The following GPC5 variants were observed in gnomAD, a reference collection of about 807,000 sequenced individuals.
GPC5 encodes the protein glypican-5.
In GPC5, 47 loss-of-function variants were observed where a neutral mutation model predicts 53.9. The observed-to-expected ratio is 0.87, with a 90% CI of 0.69 to 1.11. The LOEUF is 1.11. Among genes scored for constraint, GPC5 ranks in the 50% most tolerant of loss-of-function variants. The pLI is 0.00. For missense variants in GPC5, 748 were observed against 713.1 expected (o/e 1.05, Z -0.56); for synonymous variants, 286 against 263.3 (o/e 1.09, Z -0.84).
chr13:92,779,640 C>G lies in GPC5; in HGVS notation c.1562-86642C>G, dbSNP rs572744131. The stretch of plus-strand genomic sequence containing the variant: ...CCCAAAGTACTGGGATTGCAGACTT[C>G]AGTCACCATGTCTGGCCTCAACCTA... On this transcript the variant is annotated intron_variant, in intron 7 of 7. Transcript: ENST00000377067. 7.9e-5 allele frequency among the ~76,000 whole-genome samples: 12 copies of G among 152,220 alleles called. No individual in the cohort carries two copies. The South Asian group carries it at 8.3e-4, about 11-fold the overall frequency.
At chr13:92,566,650 G>A (rs1882872833) in intron 7 of GPC5, among the ~76,000 whole-genome samples, 1 of 152,000 alleles carries the variant, frequency 6.6e-6, no homozygotes, top group African/African-American at 2.4e-5. Context: ...TAGTGTTATG[G>A]TTTGGTCTTC....
At chr13:92,761,690 G>C (rs187266040) in intron 7 of GPC5, among the ~76,000 whole-genome samples, 528 of 152,144 alleles carry the variant, frequency 3.5e-3, no homozygotes, top group Non-Finnish European at 5.4e-3. Context: ...GTATTTTGAT[G>C]GTAGAATGTA....
At chr13:91,616,297 T>C (rs1405753859) in intron 2 of GPC5, among the ~76,000 whole-genome samples, 2 of 150,820 alleles carry the variant, frequency 1.3e-5, no homozygotes, top group Admixed American at 6.6e-5. Context: ...TTAAAGATCC[T>C]TTCTTCAAAC....
chr13:91,691,150 C>T lies in GPC5; in HGVS notation c.326-2037C>T, dbSNP rs537918884. Among the ~76,000 whole-genome samples, 5 of 152,284 alleles carry T rather than the reference C, an allele frequency of 3.3e-5. No homozygotes were observed. In the East Asian group the frequency reaches 9.7e-4, roughly 29 times the overall value. ...TGAAAACAGAGTGTAGTGGCTGAGA[C>T]TGCAGCTGTGGGGTCAGGTTATCAT... On this transcript the variant is annotated intron_variant, in intron 2 of 7. Coordinates refer to ENST00000377067, the MANE Select transcript of GPC5 (RefSeq NM_004466.6).
At chr13:92,455,432 A>G (rs7331228) in intron 7 of GPC5, among the ~76,000 whole-genome samples, 2,853 of 152,314 alleles carry the variant, frequency 0.019, 87 homozygotes, top group African/African-American at 0.066. Context: ...AATACCACTG[A>G]AATAGATAAT....
intron 7 of GPC5, among the ~76,000 whole-genome samples, chr13:92,490,644 G>C (rs1016959312): frequency 1.3e-5 from 2 of 152,014 alleles, no homozygotes; most frequent in Admixed American, 6.6e-5. Flanking sequence ...GTATATAAAA[G>C]ATATAAAAGT....
intron 7 of GPC5, among the ~76,000 whole-genome samples, chr13:92,555,357 A>G (rs1377869676): frequency 6.6e-6 from 1 of 151,604 alleles, no homozygotes; most frequent in Non-Finnish European, 1.5e-5. Flanking sequence ...TATACTTAAA[A>G]TAATATTTAA....
At chr13:92,197,255 T>C (rs1232061705) in intron 7 of GPC5, among the ~76,000 whole-genome samples, 5 of 152,178 alleles carry the variant, frequency 3.3e-5, no homozygotes, top group Admixed American at 1.3e-4. Context: ...TAAATTTTCT[T>C]ACAGACTTCA....
chr13:91,715,800 C>CTCTCTCTCTGTG (rs997034217), intron 3 of GPC5, among the ~76,000 whole-genome samples: 12 of 145,770 alleles, frequency 8.2e-5, no homozygotes, highest in African/African-American at 2.8e-4. Context: ...CTCTCTCTCT[C>CTCTCTCTCTGTG]TGTGTGTGTG....
intron 7 of GPC5, among the ~76,000 whole-genome samples, chr13:92,472,102 A>G (rs1306345977): frequency 6.6e-6 from 1 of 152,102 alleles, no homozygotes; most frequent in East Asian, 1.9e-4. Flanking sequence ...TACAGAAACC[A>G]TGGATTTGGG....
chr13:92,703,542 A>C (rs1887832834), intron 7 of GPC5, among the ~76,000 whole-genome samples: 1 of 149,980 alleles, frequency 6.7e-6, no homozygotes, highest in African/African-American at 2.4e-5. Context: ...TACCTGATAA[A>C]ATTTTTCAGT....
intron 7 of GPC5, among the ~76,000 whole-genome samples, chr13:92,592,098 G>T (rs759069891): frequency 7.9e-5 from 12 of 152,328 alleles, no homozygotes; most frequent in Non-Finnish European, 1.0e-4. Context: ...ATTTATGAAA[G>T]AATACACCAA....
chr13:92,567,700 G>A (rs1882904081), intron 7 of GPC5, among the ~76,000 whole-genome samples: 1 of 152,074 alleles, frequency 6.6e-6, no homozygotes, highest in Non-Finnish European at 1.5e-5. Context: ...AAGCTAAAAA[G>A]ACAAGAACAT....
At chr13:92,486,176 CA>C (rs780840463) in intron 7 of GPC5, among the ~76,000 whole-genome samples, 65 of 152,174 alleles carry the variant, frequency 4.3e-4, no homozygotes, top group South Asian at 1.5e-3. Flanking sequence ...TCAGTGTCAT[CA>C]AAACATTTAA....
rs12429947 is a variant in GPC5 at position 92,792,429 on chromosome 13, C to T, written c.1562-73853C>T. On this transcript the variant is annotated intron_variant, in intron 7 of 7. Transcript: ENST00000377067. ...AAGCACTAAACATGGAATGGAACAACTGGTACCATGCCAAATTGTAAAGAC... is the reference window on the plus strand; with the variant it reads ...AAGCACTAAACATGGAATGGAACAATTGGTACCATGCCAAATTGTAAAGAC... Among the ~76,000 whole-genome samples the T allele has an allele frequency of 0.025, 3,843 of 151,626 alleles. 384 individuals are homozygous for T. The East Asian group carries it at 0.33, about 13-fold the overall frequency.
intron 5 of GPC5, among the ~76,000 whole-genome samples, chr13:91,868,699 T>A (rs1363741380): frequency 6.6e-6 from 1 of 152,126 alleles, no homozygotes; most frequent in East Asian, 1.9e-4. Flanking sequence ...AATGAGACCT[T>A]GTCTCAAAAA....
intron 7 of GPC5, among the ~76,000 whole-genome samples, chr13:92,659,689 T>C (rs1313499309): frequency 1.3e-5 from 2 of 152,172 alleles, no homozygotes; most frequent in Non-Finnish European, 2.9e-5. Context: ...ACTTCAATAA[T>C]GTCAGACATT....
intron 7 of GPC5, among the ~76,000 whole-genome samples, chr13:92,511,247 A>G (rs1159608615): frequency 2.0e-5 from 3 of 152,082 alleles, no homozygotes; most frequent in African/African-American, 7.2e-5. Flanking sequence ...TCTATCTATC[A>G]TCTCCCATAG....
At chr13:91,532,105 G>GA (rs965157055) in intron 2 of GPC5, among the ~76,000 whole-genome samples, 14 of 151,812 alleles carry the variant, frequency 9.2e-5, no homozygotes, top group Non-Finnish European at 1.6e-4. Flanking sequence ...GAAAAAAAAT[G>GA]AAAAAAAGGC....
Sources: gnomAD v4.1 joint callset for allele counts (sites outside exome capture counted in the v4.1 genomes callset) on GRCh38, gnomAD v4.1.1 for gene constraint, MANE v1.5 for transcripts, NCBI Gene and HGNC (gene_info 2026-07-23, HGNC 2026-07-21) for gene names.